LTA4H: variants seen among roughly 807,000 people sequenced by gnomAD.
LTA4H encodes leukotriene A4 hydrolase, also known as leukotriene A-4 hydrolase.
LTA4H carries 59 observed loss-of-function variants against 89.8 expected under a neutral mutation model. The ratio of observed to expected loss-of-function variants is 0.66; its 90% confidence interval spans 0.53 to 0.82. LTA4H has a LOEUF of 0.82. Among genes scored for constraint, LTA4H ranks in the 40% least tolerant of loss-of-function variants. The pLI is 0.00. For synonymous variants in LTA4H, 227 were observed against 253.1 expected (o/e 0.90, Z 0.98); for missense variants, 617 against 727.0 (o/e 0.85, Z 1.74).
intron 11 of LTA4H, chr12:96,015,270 A>C (rs1282744983): frequency 6.2e-6 from 3 of 484,834 alleles, no homozygotes; most frequent in African/African-American, 2.0e-5. Context: ...CCTGGTCAGC[A>C]AATTTGGCTT....
At chr12:96,030,798 G>A (rs1003860538) in intron 1 of LTA4H, among the ~76,000 whole-genome samples, 3 of 152,058 alleles carry the variant, frequency 2.0e-5, no homozygotes, top group African/African-American at 7.3e-5. Context: ...TCTTTTGGGG[G>A]TACCTCATTT....
At chr12:96,009,051 G>A (rs972836437) in intron 15 of LTA4H, 43 bp downstream of exon 15, 2 of 1,384,430 alleles carry the variant, frequency 1.4e-6, no homozygotes, top group African/African-American at 2.8e-5. Context: ...AGACATATTT[G>A]CACAATTCAA....
rs1950434028 is a variant in LTA4H, at chr12:96,019,961, AG to A, written c.639-722del. 5.5e-5 allele frequency among the ~76,000 whole-genome samples: 8 copies of A among 146,658 alleles called. No homozygotes were observed. The South Asian group carries it at 1.7e-3, about 32-fold the overall frequency. On this transcript the variant is annotated intron_variant, in intron 6 of 18. Transcript: ENST00000228740. ...ATTCTGTTGCCCAGGCTGAGTACAG[AG>A]GGGCCATCACAGCTCACTGCAGCCT...
At chr12:96,035,952 G>A (rs1950637885), upstream of LTA4H, among the ~76,000 whole-genome samples, 1 of 152,186 alleles carries the variant, frequency 6.6e-6, no homozygotes, top group Non-Finnish European at 1.5e-5. Flanking sequence ...ATTGGTGTTT[G>A]CATATAGCGA....
Position 96,001,022 on chromosome 12 carries a change from T to C in LTA4H, c.1803A>G (p.Ala601=). 3 of 1,613,872 alleles carry C rather than the reference T, an allele frequency of 1.9e-6. No individual in the cohort carries two copies. The highest frequency in any genetic ancestry group is 2.5e-6 in the Non-Finnish European group (3 of 1,179,776). The change falls in exon 19 of 19, where the codon GCA becomes GCG. Residue 601 remains alanine (A), a synonymous_variant. Coordinates refer to ENST00000228740, the MANE Select transcript of LTA4H (RefSeq NM_000895.3). Reference sequence around the variant, plus strand: ...CTTTTAAGTCTTTCCCCACCAGCATTGCAGTCACGGGATGCATGCTTGCTT... The same window carrying C: ...CTTTTAAGTCTTTCCCCACCAGCATCGCAGTCACGGGATGCATGCTTGCTT... The part of the protein sequence containing the change: ...EHKASMHPVT[A]MLVGKDLKVD
chr12:96,002,972 C>G lies in LTA4H; in HGVS notation c.1706G>C (p.Arg569Pro). The G allele has an allele frequency of 6.3e-7, 1 of 1,597,492 alleles. No individual in the cohort carries two copies. Among genetic ancestry groups the G allele is most frequent in the Middle Eastern group, 1.7e-4 (1 of 6,050 alleles). ...ATEQGRMKFT[R>P]PLFKDLAAFD... Reference sequence around the variant, plus strand: ...AGTGGGTTCTTACTTGAATAAGGGCCGGGTAAACTTCATTCTTCCTTGTTC... The same window carrying G: ...AGTGGGTTCTTACTTGAATAAGGGCGGGGTAAACTTCATTCTTCCTTGTTC... Residue 569 changes from arginine to proline, a missense_variant, in exon 18 of 19, where the codon CGG (arginine) becomes CCG (proline). This residue lies in a region of LTA4H where 290 missense variants were observed against 339.1 expected (regional missense o/e 0.86). Transcript: ENST00000228740.
chr12:96,017,487 A>C, intron 9 of LTA4H, 70 bp downstream of exon 9: 1 of 1,279,304 alleles, frequency 7.8e-7, no homozygotes, highest in Non-Finnish European at 1.1e-6. Flanking sequence ...TAAAAATACA[A>C]GGGATATTTT....
intron 16 of LTA4H, among the ~76,000 whole-genome samples, chr12:96,004,379 T>C (rs1950162218): frequency 6.6e-6 from 1 of 152,216 alleles, no homozygotes; most frequent in Non-Finnish European, 1.5e-5. Context: ...ACCTACATAA[T>C]AGCAGTTCTT....
intron 14 of LTA4H, 192 bp from the exon 15 acceptor site, chr12:96,009,340 A>C: frequency 7.2e-6 from 4 of 555,044 alleles, no homozygotes; most frequent in East Asian, 3.0e-5. Context: ...ACAAACCCAA[A>C]TGGATACCAC....
chr12:96,036,412 A>T (rs1950647823), upstream of LTA4H, among the ~76,000 whole-genome samples: 1 of 152,206 alleles, frequency 6.6e-6, no homozygotes, highest in African/African-American at 2.4e-5. Context: ...GAAGGACCTT[A>T]AATAGGTGGC....
At chr12:96,043,289 C>T (rs898831687) in exon 1 of LTA4H, 1 of 1,533,390 alleles carries the variant, frequency 6.5e-7, no homozygotes, top group South Asian at 1.2e-5. Flanking sequence ...TGGAACTTAC[C>T]TTTAAGGCTG....
Position 96,021,082 on chromosome 12 carries a change from C to T in LTA4H, c.638+3G>A. 1 of 1,599,696 alleles carries T rather than the reference C, an allele frequency of 6.3e-7. No homozygotes were observed. The highest frequency in any genetic ancestry group is 8.5e-7 in the Non-Finnish European group (1 of 1,175,780). ...AAACCTGAAAATTTTTCCAAAAGCT[C>T]ACCTGCTTTCTAAAGCTCCAACAAC... On this transcript the variant is annotated splice_donor_region_variant and intron_variant, in intron 6 of 18. Transcript: ENST00000228740.
At chr12:96,012,567 CG>C (rs1044810333) in intron 14 of LTA4H, 1 of 152,410 alleles carries the variant, frequency 6.6e-6, no homozygotes, top group Admixed American at 6.5e-5. Context: ...CAAAAACAGC[CG>C]GGTGTGGTAG....
intron 16 of LTA4H, among the ~76,000 whole-genome samples, chr12:96,005,717 C>G (rs1310880533): frequency 6.6e-6 from 1 of 151,980 alleles, no homozygotes; most frequent in African/African-American, 2.4e-5. Context: ...CAAATGATAC[C>G]TAAAGTATGC....
In LTA4H at chr12:96,013,189, T is replaced by C. The variant is rs1486354600; in HGVS notation, c.1378A>G (p.Asn460Asp). 9.9e-6 allele frequency: 16 copies of C among 1,612,484 alleles called. No individual in the cohort carries two copies. The highest frequency in any genetic ancestry group is 1.4e-5 in the Non-Finnish European group (16 of 1,178,734). ...AAGCATTAGCAGGCAAGTACTTACT[T>C]GGGCTTTATGGGAGGCAGTCCAGGA... Reference protein sequence around the residue: ...YSPGLPPIKPNYDMTLTNACI... With the variant: ...YSPGLPPIKPDYDMTLTNACI... The change falls in exon 14 of 19, where the codon AAT (asparagine) becomes GAT (aspartate). Residue 460 changes from asparagine to aspartate, a missense_variant and splice_region_variant. Coordinates refer to ENST00000228740, the MANE Select transcript of LTA4H (RefSeq NM_000895.3).
chr12:96,012,711 T>TA lies in LTA4H; in HGVS notation c.1379+476dup, dbSNP rs200286983. 5.9e-3 allele frequency: 903 copies of TA among 153,960 alleles called. 10 individuals are homozygous for TA. The highest frequency in any genetic ancestry group is 0.02 in the African/African-American group (842 of 41,104). 9.5% of individuals were successfully genotyped at this position (153,960 alleles called of 1,614,324 possible). A position where few individuals can be genotyped will look rare whatever the true frequency, so the allele number is the denominator to read the frequency against. ...GAGCCACAGAGTGAGACCCTGTTTC[T>TA]AAAAAAAAAGAAGGAAGAAAGCAGT... On this transcript the variant is annotated intron_variant, in intron 14 of 18. Coordinates refer to ENST00000228740, the MANE Select transcript of LTA4H (RefSeq NM_000895.3).
intron 4 of LTA4H, 22 bp downstream of exon 4, chr12:96,024,452 ATTGAG>A (rs1950489928): frequency 7.3e-7 from 1 of 1,360,700 alleles, no homozygotes; most frequent in African/African-American, 1.4e-5. Context: ...GCATCATTTA[ATTGAG>A]TTAATAATTC....
At chr12:96,036,588 T>C (rs1383877701), upstream of LTA4H, among the ~76,000 whole-genome samples, 1 of 151,974 alleles carries the variant, frequency 6.6e-6, no homozygotes, top group African/African-American at 2.4e-5. Context: ...GGGCCTGACA[T>C]AGGTAAGTAG....
chr12:96,010,334 G>A (rs561793747), intron 14 of LTA4H: 7 of 152,280 alleles, frequency 4.6e-5, no homozygotes, highest in Admixed American at 3.3e-4. Flanking sequence ...ACAGTATAGC[G>A]AAGAGGAAAT....
Sources: gnomAD v4.1 joint callset for allele counts (sites outside exome capture counted in the v4.1 genomes callset) on GRCh38, gnomAD v4.1.1 for gene constraint, gnomAD v4.1.1 regional missense constraint, MANE v1.5 for transcripts, NCBI Gene and HGNC (gene_info 2026-07-23, HGNC 2026-07-21) for gene names.